The following R3HDM2 variants were observed in gnomAD, a reference collection of about 807,000 sequenced individuals.
The protein encoded by R3HDM2 is R3H domain-containing protein 2.
R3HDM2 carries 38 observed loss-of-function variants against 124.5 expected under a neutral mutation model. The observed-to-expected ratio is 0.31, with a 90% CI of 0.24 to 0.40. R3HDM2 has a LOEUF of 0.40. Ranked by LOEUF, R3HDM2 falls within the 10% of genes least tolerant of loss-of-function variation. R3HDM2 has a pLI of 1.00. For synonymous variants in R3HDM2, 391 were observed against 448.0 expected (o/e 0.87, Z 1.61); for missense variants, 869 against 1,236.9 (o/e 0.70, Z 4.46).
chr12:57,270,042 T>C (rs1001574791), intron 14 of R3HDM2, 48 bp from the exon 15 acceptor site: 5 of 1,604,034 alleles, frequency 3.1e-6, no homozygotes, highest in Non-Finnish European at 4.3e-6. Context: ...TCAAACCTCA[T>C]GTCTTTGGCT....
intron 1 of R3HDM2, among the ~76,000 whole-genome samples, chr12:57,415,771 A>C (rs942685442): frequency 6.6e-6 from 1 of 152,222 alleles, no homozygotes; most frequent in Non-Finnish European, 1.5e-5. Flanking sequence ...CTTGCCAAGT[A>C]TATTTGACTT....
Position 57,269,910 on chromosome 12 carries a change from A to T in R3HDM2, c.1429T>A (p.Phe477Ile). Residue 477 changes from phenylalanine (F) to isoleucine (I), a missense_variant, in exon 15 of 24, where the codon TTC (phenylalanine) becomes ATC (isoleucine). Physicochemically the swap from Phe to Ile is conservative, Grantham distance 21. This residue lies in a region of R3HDM2 where 602 missense variants were observed against 789.2 expected (regional missense o/e 0.76). Coordinates refer to ENST00000402412, the MANE Select transcript of R3HDM2 (RefSeq NM_001394031.1). ...TEAADPSAAL[F>I]QTPLISQHPQ... Reference sequence around the variant, plus strand: ...TGCTGGGAGATAAGTGGGGTCTGGAATAGAGCTGCAGATGGGTCAGCTGCT... The same window carrying T: ...TGCTGGGAGATAAGTGGGGTCTGGATTAGAGCTGCAGATGGGTCAGCTGCT... The T allele has an allele frequency of 6.2e-7, 1 of 1,614,174 alleles. No homozygotes were observed. The highest frequency in any genetic ancestry group is 8.5e-7 in the Non-Finnish European group (1 of 1,180,030).
chr12:57,390,641 G>C (rs867073952), intron 2 of R3HDM2, among the ~76,000 whole-genome samples: 15 of 152,212 alleles, frequency 9.9e-5, no homozygotes, highest in Non-Finnish European at 1.8e-4. Flanking sequence ...AGGCTGCAGT[G>C]AGCCATGATC....
At chr12:57,351,153 G>C (rs2060637251) in intron 2 of R3HDM2, among the ~76,000 whole-genome samples, 3 of 152,134 alleles carry the variant, frequency 2.0e-5, no homozygotes, top group Admixed American at 6.6e-5. Flanking sequence ...TGTGGTCCCA[G>C]CTACTCAGAA....
At chr12:57,301,551 A>G (rs1313927550) in intron 4 of R3HDM2, among the ~76,000 whole-genome samples, 7 of 152,232 alleles carry the variant, frequency 4.6e-5, no homozygotes, top group Admixed American at 1.3e-4. Context: ...CATCTGTAAG[A>G]TGGAGATAAT....
intron 2 of R3HDM2, among the ~76,000 whole-genome samples, chr12:57,346,578 T>G (rs2060114812): frequency 6.6e-6 from 1 of 152,098 alleles, no homozygotes; most frequent in Middle Eastern, 3.2e-3. Context: ...TATCCTTCAG[T>G]AATGAAGATG....
intron 14 of R3HDM2, among the ~76,000 whole-genome samples, chr12:57,270,430 G>A (rs1592521476): frequency 7.3e-6 from 1 of 137,358 alleles, no homozygotes; most frequent in South Asian, 2.3e-4. Context: ...GTTTTGTTTT[G>A]TTTTTTGTTT....
At chr12:57,403,926 T>G (rs2068278019) in intron 1 of R3HDM2, among the ~76,000 whole-genome samples, 2 of 151,936 alleles carry the variant, frequency 1.3e-5, no homozygotes, top group Admixed American at 1.3e-4. Context: ...CAAAAATGTA[T>G]AAGAATTCTC....
intron 3 of R3HDM2, among the ~76,000 whole-genome samples, chr12:57,306,269 A>G (rs2052546815): frequency 6.6e-6 from 1 of 152,234 alleles, no homozygotes; most frequent in Admixed American, 6.5e-5. Context: ...TTAAAGCAGT[A>G]AGACACACAG....
chr12:57,380,768 T>TA (rs1261650039), intron 2 of R3HDM2, among the ~76,000 whole-genome samples: 5 of 150,456 alleles, frequency 3.3e-5, no homozygotes, highest in South Asian at 2.1e-4. Flanking sequence ...AAAGCTTTCT[T>TA]AAAAAAAAAG....
intron 2 of R3HDM2, among the ~76,000 whole-genome samples, chr12:57,337,030 C>T (rs772163869): frequency 1.4e-4 from 21 of 152,220 alleles, no homozygotes; most frequent in Non-Finnish European, 2.1e-4. Flanking sequence ...GGGACCCACA[C>T]AGCAGACTAA....
chr12:57,407,531 G>A (rs753829947), intron 1 of R3HDM2, among the ~76,000 whole-genome samples: 2 of 150,180 alleles, frequency 1.3e-5, no homozygotes, highest in Non-Finnish European at 3.0e-5. Context: ...TCAGCCTCCC[G>A]AGTAGCTGGA....
intron 6 of R3HDM2, among the ~76,000 whole-genome samples, chr12:57,298,676 A>C (rs1212942230): frequency 1.3e-5 from 2 of 151,684 alleles, no homozygotes; most frequent in African/African-American, 4.8e-5. Context: ...AAAAAAAAAA[A>C]CCAGGCCAGG....
chr12:57,270,431 T>TTTTG (rs1393972486), intron 14 of R3HDM2, among the ~76,000 whole-genome samples: 1 of 148,118 alleles, frequency 6.8e-6, no homozygotes, highest in African/African-American at 2.5e-5. Context: ...TTTTGTTTTG[T>TTTTG]TTTTTGTTTT....
chr12:57,417,372 A>G (rs527411), intron 1 of R3HDM2, among the ~76,000 whole-genome samples: 140,966 of 145,026 alleles, frequency 0.97, 68,628 homozygotes, highest in Middle Eastern at 1. Context: ...GCTACGGGGC[A>G]AAATTCCATT....
chr12:57,400,197 G>C (rs7303070), intron 1 of R3HDM2, among the ~76,000 whole-genome samples: 65,886 of 151,856 alleles, frequency 0.43, 15,037 homozygotes, highest in South Asian at 0.52. Context: ...GTCCAACAAT[G>C]ATAGACTGGA....
intron 20 of R3HDM2, among the ~76,000 whole-genome samples, 155 bp downstream of exon 20, chr12:57,258,735 C>T (rs1349827332): frequency 6.6e-6 from 1 of 152,114 alleles, no homozygotes; most frequent in Admixed American, 6.5e-5. Context: ...ATATTAGGTT[C>T]CTTAAAAGAG....
At chr12:57,349,780 T>G (rs904410890) in intron 2 of R3HDM2, among the ~76,000 whole-genome samples, 1 of 152,050 alleles carries the variant, frequency 6.6e-6, no homozygotes, top group Admixed American at 6.6e-5. Flanking sequence ...CAGGATGGTC[T>G]CCATCTCCTG....
intron 2 of R3HDM2, among the ~76,000 whole-genome samples, chr12:57,355,274 G>A (rs1016223216): frequency 9.3e-5 from 14 of 151,190 alleles, no homozygotes; most frequent in Non-Finnish European, 1.9e-4. Context: ...TGGCTAACAC[G>A]GTGAAACCCC....
Sources: gnomAD v4.1 joint callset for allele counts (sites outside exome capture counted in the v4.1 genomes callset) on GRCh38, gnomAD v4.1.1 for gene constraint, gnomAD v4.1.1 regional missense constraint, MANE v1.5 for transcripts, NCBI Gene and HGNC (gene_info 2026-07-23, HGNC 2026-07-21) for gene names.